GLDC: variants seen among roughly 807,000 people sequenced by gnomAD.
GLDC encodes glycine decarboxylase, also known as glycine dehydrogenase (decarboxylating), mitochondrial.
In GLDC, 104 loss-of-function variants were observed where a neutral mutation model predicts 121.3. The ratio of observed to expected loss-of-function variants is 0.86; its 90% CI spans 0.73 to 1.01. The LOEUF (loss-of-function observed/expected upper bound fraction) is 1.01. Ranked by LOEUF, GLDC falls within the 50% of genes least tolerant of loss-of-function variation. The probability of loss-of-function intolerance (pLI) is 0.00; values close to 1 mark genes in which losing one functional copy is unlikely to be tolerated. For synonymous variants in GLDC, 546 were observed against 480.6 expected (o/e 1.14, Z -1.78); for missense variants, 1,429 against 1,306.6 (o/e 1.09, Z -1.44).
rs549640146 is a variant in GLDC at position 6,537,991 on chromosome 9, A to T, written c.2666-1755T>A. ...CTTCAGCATATATATCATGACTAGA[A>T]TTCAGTATCTGTTCACATATTTTTG... On this transcript the variant is annotated intron_variant, in intron 22 of 24. Coordinates refer to ENST00000321612, the MANE Select transcript of GLDC (RefSeq NM_000170.3). Among the ~76,000 whole-genome samples the T allele has an allele frequency of 9.2e-5, 14 of 152,352 alleles. No homozygotes were observed. The South Asian group carries it at 2.7e-3, about 29-fold the overall frequency.
chr9:6,536,867 T>C (rs193158380), intron 22 of GLDC, among the ~76,000 whole-genome samples: 1 of 152,354 alleles, frequency 6.6e-6, no homozygotes, highest in African/African-American at 2.4e-5. Flanking sequence ...TTGGCCAGTA[T>C]GTGGAAAGCC....
At chr9:6,602,356 C>A in intron 7 of GLDC, 151 bp from the exon 8 acceptor site, 1 of 674,088 alleles carries the variant, frequency 1.5e-6, no homozygotes, top group Non-Finnish European at 2.7e-6. Flanking sequence ...CTAAACGTTC[C>A]TCATCTAAAC....
chr9:6,638,358 G>A (rs1434417599), intron 2 of GLDC, among the ~76,000 whole-genome samples: 1 of 152,006 alleles, frequency 6.6e-6, no homozygotes. Context: ...GGGATTACAG[G>A]CATGCGCCAC....
chr9:6,553,836 C>A (rs1175905298), intron 19 of GLDC, among the ~76,000 whole-genome samples: 1 of 152,052 alleles, frequency 6.6e-6, no homozygotes, highest in Non-Finnish European at 1.5e-5. Flanking sequence ...ATACACTTTC[C>A]CAAGATGGAC....
chr9:6,594,798 G>A (rs140706192), intron 9 of GLDC, among the ~76,000 whole-genome samples: 1 of 119,464 alleles, frequency 8.4e-6, no homozygotes, highest in East Asian at 2.0e-4. Context: ...CAAGAAAAAG[G>A]AAATAAAAGA....
chr9:6,575,184 C>T (rs892393118), intron 15 of GLDC, among the ~76,000 whole-genome samples: 13 of 147,614 alleles, frequency 8.8e-5, no homozygotes, highest in Non-Finnish European at 8.9e-5. Context: ...CCAGCCTGGG[C>T]GACAGAGTGA....
chr9:6,638,725 T>C (rs1819563296), intron 2 of GLDC, among the ~76,000 whole-genome samples: 1 of 152,104 alleles, frequency 6.6e-6, no homozygotes, highest in African/African-American at 2.4e-5. Context: ...CAAATGTATA[T>C]CCTCACTGGG....
At chr9:6,639,552 G>T in intron 2 of GLDC, 2 of 777,508 alleles carry the variant, frequency 2.6e-6, no homozygotes, top group East Asian at 2.4e-5. Flanking sequence ...GAAGGTATAT[G>T]TTCGACTGGC....
intron 15 of GLDC, among the ~76,000 whole-genome samples, chr9:6,581,378 G>A (rs1410079380): frequency 6.6e-6 from 1 of 152,120 alleles, no homozygotes. Context: ...TCTCACCTCT[G>A]TACTTCTCCA....
intron 4 of GLDC, 49 bp downstream of exon 4, chr9:6,610,143 G>T (rs779457973): frequency 5.6e-6 from 8 of 1,424,096 alleles, no homozygotes; most frequent in Admixed American, 1.9e-5. Context: ...AACAAGGCCA[G>T]GCGAGGTGGC....
At chr9:6,540,545 G>A (rs1817234761) in intron 21 of GLDC, 1 of 210,576 alleles carries the variant, frequency 4.7e-6, no homozygotes, top group Non-Finnish European at 9.7e-6. Flanking sequence ...AATATTTCTA[G>A]AGCCATTGAC....
chr9:6,623,870 A>G (rs1819173833), intron 2 of GLDC, among the ~76,000 whole-genome samples: 3 of 152,238 alleles, frequency 2.0e-5, no homozygotes. Context: ...TCTTAGGGGC[A>G]GAATGATTCA....
In GLDC at chr9:6,623,462, A is replaced by G. The variant is rs539032630; in HGVS notation, c.335-3143T>C. ...CACCACTCCGTAATCTCAAGTACCC[A>G]GGGACACAAACACTGCGGAAGGCCG... On this transcript the variant is annotated intron_variant, in intron 2 of 24. Transcript: ENST00000321612. Among the ~76,000 whole-genome samples, 624 of 150,208 alleles carry G rather than the reference A, an allele frequency of 4.2e-3. 1 individual carries two copies. Among genetic ancestry groups the G allele is most frequent in the African/African-American group, 0.014 (576 of 40,608 alleles).
chr9:6,533,104 T>A lies in GLDC; in HGVS notation c.2976A>T (p.Ile992=). ...TACAAACCAGGTGCTGATCTCCATA[T>A]ATGTCATCAATCCGGGCAATCGTTG... is the stretch of plus-strand genomic sequence containing the variant. ...FWPTIARIDD[I]YGDQHLVCTC... Residue 992 remains isoleucine (I), a synonymous_variant, in exon 25 of 25, where the codon ATA becomes ATT. Transcript: ENST00000321612. 2 of 1,611,762 alleles carry A rather than the reference T, an allele frequency of 1.2e-6. No individual in the cohort carries two copies. Among genetic ancestry groups the A allele is most frequent in the South Asian group, 2.2e-5 (2 of 91,034 alleles).
chr9:6,588,746 T>G lies in GLDC; in HGVS notation c.1581-44A>C, dbSNP rs537779318. 38 of 1,131,582 alleles carry G rather than the reference T, an allele frequency of 3.4e-5. No individual in the cohort carries two copies. In the South Asian group the frequency reaches 3.8e-4, roughly 11 times the overall value. The allele number at this position is 1,131,582 out of a possible 1,614,324, so 70.1% of individuals were successfully genotyped here. ...GAATTAGGGGCCCCAAAAGTAGATA[T>G]GAGTCCATGCACATCCTCCTGACAT... On this transcript the variant is annotated intron_variant, in intron 12 of 24. Transcript: ENST00000321612.
intron 2 of GLDC, among the ~76,000 whole-genome samples, chr9:6,638,709 T>G (rs1349163328): frequency 6.6e-6 from 1 of 152,144 alleles, no homozygotes; most frequent in African/African-American, 2.4e-5. Flanking sequence ...AGTGACTATG[T>G]TTATTCAAAT....
At chr9:6,547,565 C>T (rs538326766) in intron 21 of GLDC, among the ~76,000 whole-genome samples, 1 of 152,200 alleles carries the variant, frequency 6.6e-6, no homozygotes, top group South Asian at 2.1e-4. Context: ...TGAAGCCATA[C>T]ATGTCAAAAG....
chr9:6,611,864 T>C (rs1818863853), intron 3 of GLDC, among the ~76,000 whole-genome samples: 1 of 152,186 alleles, frequency 6.6e-6, no homozygotes, highest in South Asian at 2.1e-4. Context: ...ACATGACAAA[T>C]AATGATTCCA....
At chr9:6,633,664 G>A (rs72695582) in intron 2 of GLDC, among the ~76,000 whole-genome samples, 2,719 of 151,974 alleles carry the variant, frequency 0.018, 39 homozygotes, top group Non-Finnish European at 0.028. Context: ...GCTCACAACT[G>A]TAATCCCAGC....
Sources: allele counts gnomAD v4.1 joint callset (sites outside exome capture counted in the v4.1 genomes callset), GRCh38; gene constraint gnomAD v4.1.1; transcripts MANE v1.5; gene names NCBI Gene and HGNC (gene_info 2026-07-23, HGNC 2026-07-21).